The following MTDH variants were observed in gnomAD, a reference collection of about 807,000 sequenced individuals.
MTDH encodes the protein metadherin, also known as protein LYRIC.
A neutral mutation model predicts 72.7 loss-of-function variants in MTDH; 34 were observed. That is an observed-to-expected ratio of 0.47 (90% confidence interval 0.36 to 0.62). The LOEUF (loss-of-function observed/expected upper bound fraction) is 0.62. Among genes scored for constraint, MTDH ranks in the 20% least tolerant of loss-of-function variants. The pLI, the probability that MTDH is intolerant of heterozygous loss-of-function variation, is 0.00. For missense variants in MTDH, 677 were observed against 699.4 expected (o/e 0.97, Z 0.36); for synonymous variants, 266 against 268.9 (o/e 0.99, Z 0.10).
intron 6 of MTDH, among the ~76,000 whole-genome samples, chr8:97,692,562 G>A (rs951772345): frequency 1.3e-5 from 2 of 151,904 alleles, no homozygotes; most frequent in African/African-American, 4.8e-5. Flanking sequence ...ATTTTTAGTA[G>A]AGACGGGGTT....
chr8:97,676,541 G>A (rs1812854121), intron 2 of MTDH, among the ~76,000 whole-genome samples: 1 of 152,138 alleles, frequency 6.6e-6, no homozygotes, highest in East Asian at 1.9e-4. Flanking sequence ...ACTCTAATAA[G>A]TGATACCACT....
At position 97,725,750 on chromosome 8, in the gene MTDH, A is replaced by G. The variant is rs2131098196; in HGVS notation, c.*1080A>G. The G allele has an allele frequency of 6.5e-6, 1 of 152,714 alleles. No individual in the cohort carries two copies. The highest frequency in any genetic ancestry group is 1.9e-4 in the East Asian group (1 of 5,184). The allele number at this position is 152,714 out of a possible 1,614,324, so 9.5% of individuals were successfully genotyped here. Reference sequence around the variant, plus strand: ...TTATTGCAATTGTGGTCAAATAAGGAACGTTTCCTGCTTGAAATTATATTG... The same window carrying G: ...TTATTGCAATTGTGGTCAAATAAGGGACGTTTCCTGCTTGAAATTATATTG... On this transcript the variant is annotated 3_prime_UTR_variant, in exon 12 of 12. Transcript: ENST00000336273.
At chr8:97,704,864 G>A (rs541221189) in intron 7 of MTDH, among the ~76,000 whole-genome samples, 1 of 152,230 alleles carries the variant, frequency 6.6e-6, no homozygotes, top group South Asian at 2.1e-4. Flanking sequence ...AAAGTAAATA[G>A]GAGTACTAAA....
chr8:97,699,388 G>C (rs1017520975), intron 6 of MTDH, among the ~76,000 whole-genome samples: 1 of 151,644 alleles, frequency 6.6e-6, no homozygotes, highest in Non-Finnish European at 1.5e-5. Context: ...AGTGAGCCAC[G>C]ATCATGCCAC....
intron 7 of MTDH, 61 bp from the exon 8 acceptor site, chr8:97,706,565 T>G (rs1268612001): frequency 6.9e-7 from 1 of 1,453,150 alleles, no homozygotes; most frequent in Non-Finnish European, 9.1e-7. Flanking sequence ...GAATTTTTAG[T>G]TTTTGCCTTT....
intron 2 of MTDH, among the ~76,000 whole-genome samples, chr8:97,678,146 A>G (rs898483449): frequency 2.6e-5 from 4 of 152,242 alleles, no homozygotes; most frequent in African/African-American, 9.6e-5. Flanking sequence ...TCAGTAATGA[A>G]ACACATGAAG....
intron 2 of MTDH, among the ~76,000 whole-genome samples, chr8:97,677,344 A>G (rs1812894983): frequency 6.6e-6 from 1 of 151,792 alleles, no homozygotes; most frequent in African/African-American, 2.4e-5. Context: ...ATAAAAAATT[A>G]GCCGGGCATG....
At position 97,706,518 on chromosome 8, in the gene MTDH, A is replaced by T. The variant is rs950155472; in HGVS notation, c.1148-108A>T. 5.0e-5 allele frequency: 55 copies of T among 1,095,608 alleles called. 1 individual carries two copies. In the South Asian group the frequency reaches 1.1e-3, roughly 22 times the overall value. The allele number at this position is 1,095,608 out of a possible 1,614,324, so 67.9% of individuals were successfully genotyped here. A position where few individuals can be genotyped will look rare whatever the true frequency, so the allele number is the denominator to read the frequency against. On this transcript the variant is annotated intron_variant, in intron 7 of 11. Coordinates refer to ENST00000336273, the MANE Select transcript of MTDH (RefSeq NM_178812.4). ...CTCTTAAAATGTGCTTGGGAGACAG[A>T]ACAATAACTTAAAATTACAGCTTAG... is the stretch of plus-strand genomic sequence containing the variant.
At chr8:97,710,416 G>A (rs868552476) in intron 8 of MTDH, among the ~76,000 whole-genome samples, 15 of 152,216 alleles carry the variant, frequency 9.9e-5, no homozygotes, top group African/African-American at 1.7e-4. Context: ...GAGGCCAGGC[G>A]TGATGGCTCA....
chr8:97,717,495 G>A (rs1425831040), intron 9 of MTDH, among the ~76,000 whole-genome samples: 2 of 152,172 alleles, frequency 1.3e-5, no homozygotes, highest in Non-Finnish European at 2.9e-5. Flanking sequence ...AATCAGAGTG[G>A]CATGAGGCCC....
At chr8:97,718,927 C>G in intron 9 of MTDH, 122 bp from the exon 10 acceptor site, 1 of 849,108 alleles carries the variant, frequency 1.2e-6, no homozygotes, top group Non-Finnish European at 1.8e-6. Flanking sequence ...AATTCCTGAG[C>G]TCAAGCAATT....
chr8:97,706,206 G>A (rs986478594), intron 7 of MTDH, among the ~76,000 whole-genome samples: 2 of 152,160 alleles, frequency 1.3e-5, no homozygotes, highest in Non-Finnish European at 2.9e-5. Flanking sequence ...ATGACAGGTA[G>A]GGATTGTAAC....
At chr8:97,663,748 CAAAAAAAA>C (rs36101443) in intron 2 of MTDH, among the ~76,000 whole-genome samples, 2 of 85,990 alleles carry the variant, frequency 2.3e-5, no homozygotes, top group Non-Finnish European at 4.9e-5. Flanking sequence ...GACTCTGTCT[CAAAAAAAA>C]AAAAAAAAAA....
chr8:97,677,388 G>A (rs1265844890), intron 2 of MTDH, among the ~76,000 whole-genome samples: 1 of 151,366 alleles, frequency 6.6e-6, no homozygotes, highest in Non-Finnish European at 1.5e-5. Flanking sequence ...TTACTCGGGA[G>A]GCTGAGGCAG....
rs1815429107 is a variant in MTDH at position 97,728,180 on chromosome 8, A to G, written c.*3510A>G. On this transcript the variant is annotated 3_prime_UTR_variant, in exon 12 of 12. Transcript: ENST00000336273. Reference sequence around the variant, plus strand: ...CTGTAAACTCACTGCACAAACTGGAATTACTTTCCAAAAGACTTAGGGAAT... The same window carrying G: ...CTGTAAACTCACTGCACAAACTGGAGTTACTTTCCAAAAGACTTAGGGAAT... The G allele has an allele frequency of 6.6e-6, 1 of 152,214 alleles. No homozygotes were observed. Among genetic ancestry groups the G allele is most frequent in the Non-Finnish European group, 1.5e-5 (1 of 68,042 alleles). The allele number at this position is 152,214 out of a possible 1,614,324, so 9.4% of individuals were successfully genotyped here.
At chr8:97,723,629 G>C (rs2131092858) in intron 11 of MTDH, among the ~76,000 whole-genome samples, 1 of 149,988 alleles carries the variant, frequency 6.7e-6, no homozygotes, top group East Asian at 2.0e-4. Context: ...TGTAGTCCCA[G>C]CTACTCGGGA....
intron 7 of MTDH, among the ~76,000 whole-genome samples, chr8:97,704,556 C>T (rs1300198137): frequency 6.6e-6 from 1 of 152,020 alleles, no homozygotes; most frequent in African/African-American, 2.4e-5. Context: ...CTGCAGTGAA[C>T]TATGATTATA....
At chr8:97,670,237 A>T (rs1812556458) in intron 2 of MTDH, among the ~76,000 whole-genome samples, 1 of 151,926 alleles carries the variant, frequency 6.6e-6, no homozygotes, top group Non-Finnish European at 1.5e-5. Context: ...AATCACTTGA[A>T]CTCCGGAGGC....
chr8:97,679,287 C>CA (rs1274803923), intron 2 of MTDH, among the ~76,000 whole-genome samples: 12 of 149,316 alleles, frequency 8.0e-5, no homozygotes, highest in East Asian at 3.9e-4. Flanking sequence ...GTTAAAAATA[C>CA]AAAAAAAAAT....
Sources: allele counts gnomAD v4.1 joint callset (sites outside exome capture counted in the v4.1 genomes callset), GRCh38; gene constraint gnomAD v4.1.1; transcripts MANE v1.5; gene names NCBI Gene and HGNC (gene_info 2026-07-23, HGNC 2026-07-21).